Variants in NYAP2 observed in about 807,000 individuals in gnomAD.
The protein encoded by NYAP2 is neuronal tyrosine-phosphorylated phosphoinositide-3-kinase adapter 2.
A neutral mutation model predicts 50.4 loss-of-function variants in NYAP2; 23 were observed. The ratio of observed to expected loss-of-function variants is 0.46; its 90% CI spans 0.33 to 0.65. The LOEUF (loss-of-function observed/expected upper bound fraction) is 0.65, where lower values mean the gene tolerates loss of function less well. Among genes scored for constraint, NYAP2 ranks in the 30% least tolerant of loss-of-function variants. NYAP2 has a pLI of 0.02. For synonymous variants in NYAP2, 394 were observed against 365.2 expected (o/e 1.08, Z -0.90); for missense variants, 885 against 861.0 (o/e 1.03, Z -0.35).
At chr2:225,446,995 C>A (rs952657101) in intron 3 of NYAP2, among the ~76,000 whole-genome samples, 5 of 151,904 alleles carry the variant, frequency 3.3e-5, no homozygotes, top group Non-Finnish European at 5.9e-5. Flanking sequence ...TAAACTACAG[C>A]CAAGCAGTTT....
intron 2 of NYAP2, among the ~76,000 whole-genome samples, chr2:225,405,656 A>G (rs1456308717): frequency 6.6e-6 from 1 of 151,972 alleles, no homozygotes; most frequent in African/African-American, 2.4e-5. Context: ...GAGGCCATGA[A>G]TCTATTTACT....
rs1260633421 is a variant in NYAP2, at chr2:225,581,924, G to A, written c.524-17G>A. ...CTATTATACTCATCTATTCCACTAC[G>A]TTTTTTCTTCTTTTAGCGTCAGCTA... On this transcript the variant is annotated splice_polypyrimidine_tract_variant and intron_variant, in intron 4 of 6. Coordinates refer to ENST00000636099, the Ensembl canonical transcript of NYAP2. 2.5e-6 allele frequency: 4 copies of A among 1,582,400 alleles called. No individual in the cohort carries two copies. Among genetic ancestry groups the A allele is most frequent in the African/African-American group, 1.4e-5 (1 of 73,640 alleles).
At chr2:225,446,216 G>GTCTCTCTCTCTC (rs1271105292) in intron 3 of NYAP2, among the ~76,000 whole-genome samples, 25 of 69,626 alleles carry the variant, frequency 3.6e-4, no homozygotes, top group South Asian at 5.3e-4. Flanking sequence ...CTGTCTGTCT[G>GTCTCTCTCTCTC]TCTCTCTCTC....
intron 3 of NYAP2, among the ~76,000 whole-genome samples, chr2:225,431,391 A>G (rs1695364053): frequency 6.6e-6 from 1 of 152,032 alleles, no homozygotes; most frequent in Non-Finnish European, 1.5e-5. Flanking sequence ...GTTTTTTGGG[A>G]CTCTGCTTAT....
chr2:225,699,244 A>G, the NYAP2 span: 2 of 151,926 alleles, frequency 1.3e-5, no homozygotes, highest in Non-Finnish European at 2.9e-5. Flanking sequence ...TAACTAAGCA[A>G]TGGTTAGTCA....
intron 3 of NYAP2, among the ~76,000 whole-genome samples, chr2:225,442,874 G>T (rs73082849): frequency 6.6e-6 from 1 of 152,150 alleles, no homozygotes; most frequent in Non-Finnish European, 1.5e-5. Flanking sequence ...ACCGTGCCTG[G>T]CCAGAAAAAG....
intron 3 of NYAP2, among the ~76,000 whole-genome samples, chr2:225,420,611 CT>C (rs11356958): frequency 0.82 from 116,517 of 142,132 alleles, 47,982 homozygotes; most frequent in African/African-American, 0.91. Context: ...CTTTTCTTTT[CT>C]TTTTTTTTTT....
At chr2:225,585,816 CA>C (rs1692380009) in intron 5 of NYAP2, among the ~76,000 whole-genome samples, 1 of 152,092 alleles carries the variant, frequency 6.6e-6, no homozygotes, top group African/African-American at 2.4e-5. Flanking sequence ...TTTCATAATG[CA>C]AAACATAGAA....
chr2:225,435,055 A>G (rs1408188296), intron 3 of NYAP2, among the ~76,000 whole-genome samples: 1 of 151,968 alleles, frequency 6.6e-6, no homozygotes, highest in Non-Finnish European at 1.5e-5. Flanking sequence ...TCATGGTACT[A>G]CTCTTCCTGC....
At chr2:225,416,918 T>C (rs1695133655) in intron 3 of NYAP2, among the ~76,000 whole-genome samples, 1 of 152,096 alleles carries the variant, frequency 6.6e-6, no homozygotes, top group South Asian at 2.1e-4. Context: ...CTTCCAAACA[T>C]CCAACACCAT....
At chr2:225,660,376 TAA>T in the NYAP2 span, among the ~76,000 whole-genome samples, 2 of 151,668 alleles carry the variant, frequency 1.3e-5, no homozygotes, top group African/African-American at 4.8e-5. Flanking sequence ...ATGAAAACAT[TAA>T]GTCTATATAG....
chr2:225,638,062 G>A lies in NYAP2; in HGVS notation c.1828+10936G>A, dbSNP rs1693453386. On this transcript the variant is annotated intron_variant, in intron 6 of 6. Transcript: ENST00000636099. ...TAGAGGCTGAGAGAGACAGAGACTA[G>A]ATATTAGAGAGAATTTTAAATAGAC... 1.3e-5 allele frequency among the ~76,000 whole-genome samples: 2 copies of A among 151,876 alleles called. 1 individual carries two copies. The highest frequency in any genetic ancestry group is 1.3e-4 in the Admixed American group (2 of 15,218).
At chr2:225,630,748 G>A (rs1280714904) in intron 6 of NYAP2, among the ~76,000 whole-genome samples, 2 of 152,164 alleles carry the variant, frequency 1.3e-5, no homozygotes, top group Non-Finnish European at 2.9e-5. Context: ...TAAGGATAGG[G>A]ATAATGTAAT....
the NYAP2 span, among the ~76,000 whole-genome samples, chr2:225,681,293 C>T: frequency 1.3e-5 from 2 of 152,126 alleles, no homozygotes; most frequent in South Asian, 4.1e-4. Flanking sequence ...TTTTATCTGT[C>T]TATCCTAAGA....
intron 3 of NYAP2, among the ~76,000 whole-genome samples, chr2:225,466,318 T>TC (rs1206820993): frequency 6.6e-6 from 1 of 152,196 alleles, no homozygotes; most frequent in African/African-American, 2.4e-5. Flanking sequence ...TCTGTGGGTG[T>TC]CATGAGTGCC....
chr2:225,656,713 G>A (rs1003423497), downstream of NYAP2, among the ~76,000 whole-genome samples: 9 of 152,172 alleles, frequency 5.9e-5, no homozygotes, highest in African/African-American at 2.2e-4. Flanking sequence ...AAATAGGGAT[G>A]TGGGGTCAGT....
intron 3 of NYAP2, among the ~76,000 whole-genome samples, chr2:225,465,099 T>A (rs1689895320): frequency 1.3e-5 from 2 of 152,198 alleles, no homozygotes; most frequent in South Asian, 4.1e-4. Context: ...AAAGAGCTGA[T>A]ATAAGGAAAA....
intron 5 of NYAP2, among the ~76,000 whole-genome samples, chr2:225,606,420 A>T (rs1349702599): frequency 6.6e-6 from 1 of 152,132 alleles, no homozygotes; most frequent in Non-Finnish European, 1.5e-5. Context: ...TGCAACAGGA[A>T]CTTCGATTTT....
At chr2:225,694,674 G>A in the NYAP2 span, among the ~76,000 whole-genome samples, 1 of 151,634 alleles carries the variant, frequency 6.6e-6, no homozygotes, top group African/African-American at 2.4e-5. Flanking sequence ...AAATATTTTG[G>A]GGGAGTTTAA....
Sources: gnomAD v4.1 joint callset for allele counts (sites outside exome capture counted in the v4.1 genomes callset) on GRCh38, gnomAD v4.1.1 for gene constraint, MANE v1.5 for transcripts, NCBI Gene and HGNC (gene_info 2026-07-23, HGNC 2026-07-21) for gene names.